Variants in PTGR2 observed in about 807,000 individuals in gnomAD.
The protein encoded by PTGR2 is prostaglandin reductase 2.
PTGR2 carries 32 observed loss-of-function variants against 43.4 expected under a neutral mutation model. That is an observed-to-expected ratio of 0.74 (90% CI 0.56 to 0.99). PTGR2 has a LOEUF of 0.99. Ranked by LOEUF, PTGR2 falls within the 50% of genes least tolerant of loss-of-function variation. PTGR2 has a pLI of 0.00. For synonymous variants in PTGR2, 106 were observed against 139.2 expected, an observed-to-expected ratio of 0.76 and a Z score of 1.68; for missense variants, 373 against 420.0, an observed-to-expected ratio of 0.89 and a Z score of 0.98.
chr14:73,857,195 G>T (rs1269453641), intron 1 of PTGR2, among the ~76,000 whole-genome samples: 2 of 148,500 alleles, frequency 1.3e-5, no homozygotes, highest in Admixed American at 1.3e-4. Context: ...TAAATTCCTT[G>T]ATATATTACT....
At position 73,884,511 on chromosome 14, in the gene PTGR2, A is replaced by G. The variant is rs1173914902; in HGVS notation, c.*334A>G. 6.4e-6 allele frequency: 1 copy of G among 155,726 alleles called. No individual in the cohort carries two copies. Among genetic ancestry groups the G allele is most frequent in the African/African-American group, 2.4e-5 (1 of 41,604 alleles). 9.6% of individuals were successfully genotyped at this position (155,726 alleles called of 1,614,324 possible). On this transcript the variant is annotated 3_prime_UTR_variant, in exon 10 of 10. Coordinates refer to ENST00000555661, the MANE Select transcript of PTGR2 (RefSeq NM_001146154.2). ...AATAGGTTTTTTAAAATTAATATTA[A>G]TAACTTTTATTAATTTAAAATAGAA...
At chr14:73,882,583 CT>C (rs1391766645) in intron 9 of PTGR2, 145 bp downstream of exon 9, 1 of 550,494 alleles carries the variant, frequency 1.8e-6, no homozygotes, top group Non-Finnish European at 3.2e-6. Context: ...TCACTGCAAG[CT>C]CCGCCTTCCA....
rs376183153 is a variant in PTGR2 at position 73,860,571 on chromosome 14, C to T, written c.70C>T (p.Arg24Ter). Reference protein sequence around the residue: ...KNGNPVAENFRMEEVYLPDNI... With the variant: ...KNGNPVAENF ...TGGTAATCCAGTGGCAGAGAATTTCCGAATGGAAGAAGTCTATTTACCAGA... is the reference window on the plus strand; with the variant it reads ...TGGTAATCCAGTGGCAGAGAATTTCTGAATGGAAGAAGTCTATTTACCAGA... Residue 24 changes from arginine to a stop codon, truncating the protein, a stop_gained, in exon 3 of 10, where the codon CGA becomes TGA. Transcript: ENST00000555661. LOFTEE classifies it high-confidence loss of function. The T allele has an allele frequency of 1.5e-4, 229 of 1,577,146 alleles. No individual in the cohort carries two copies. The highest frequency in any genetic ancestry group is 1.7e-4 in the Non-Finnish European group (192 of 1,156,392).
chr14:73,859,616 G>T (rs1001075128), intron 2 of PTGR2, among the ~76,000 whole-genome samples: 6 of 151,302 alleles, frequency 4.0e-5, no homozygotes, highest in African/African-American at 1.5e-4. Context: ...CTATAATGAT[G>T]ACCTTTCCTT....
In PTGR2 at chr14:73,857,321, T is replaced by A. The variant is rs544900761; in HGVS notation, c.-47-1495T>A. Among the ~76,000 whole-genome samples the A allele has an allele frequency of 6.7e-5, 10 of 150,074 alleles. 1 individual carries two copies. In the South Asian group the frequency reaches 1.9e-3, roughly 29 times the overall value. ...AACGAATAGAAGAGCCTTTGAAAAT[T>A]TGGTTACGTGGCTGGGCTTGGTGGC... On this transcript the variant is annotated intron_variant, in intron 1 of 9. Transcript: ENST00000555661.
chr14:73,857,664 G>GTTTTTTTTTTTTTTTTTTTTT (rs1213963564), intron 1 of PTGR2, among the ~76,000 whole-genome samples: 2 of 64,696 alleles, frequency 3.1e-5, no homozygotes, highest in South Asian at 8.9e-4. Context: ...AGCAGTTAGT[G>GTTTTTTTTTTTTTTTTTTTTT]TTTTTTTTTT....
intron 1 of PTGR2, among the ~76,000 whole-genome samples, chr14:73,856,738 G>C (rs1050067162): frequency 6.6e-6 from 1 of 152,140 alleles, no homozygotes; most frequent in African/African-American, 2.4e-5. Context: ...ATGTAGGTTT[G>C]TGTAAGTATA....
chr14:73,857,917 C>T (rs1194585635), intron 1 of PTGR2: 1 of 151,830 alleles, frequency 6.6e-6, no homozygotes, highest in Admixed American at 6.6e-5. Flanking sequence ...GATCCACCCG[C>T]CTCGGCCTCC....
At chr14:73,868,481 G>C (rs922181924) in intron 3 of PTGR2, among the ~76,000 whole-genome samples, 1 of 152,018 alleles carries the variant, frequency 6.6e-6, no homozygotes, top group African/African-American at 2.4e-5. Flanking sequence ...ATCTTAGGGG[G>C]CTTGTGAATC....
At chr14:73,882,529 C>G (rs2055014056) in intron 9 of PTGR2, 91 bp downstream of exon 9, 4 of 898,004 alleles carry the variant, frequency 4.5e-6, no homozygotes, top group Non-Finnish European at 7.0e-6. Context: ...GAGACGGAGT[C>G]TTGCTCTGTT....
chr14:73,873,852 A>G (rs2336564), intron 3 of PTGR2, among the ~76,000 whole-genome samples, 171 bp from the exon 4 acceptor site: 73,100 of 152,024 alleles, frequency 0.48, 17,938 homozygotes, highest in South Asian at 0.61. Context: ...GTTATTAACT[A>G]TAGTCACTAT....
chr14:73,875,884 C>T (rs1356225510), intron 4 of PTGR2, among the ~76,000 whole-genome samples: 1 of 144,264 alleles, frequency 6.9e-6, no homozygotes, highest in African/African-American at 2.6e-5. Context: ...TGCAGTGGCA[C>T]AATCTTGGCT....
At chr14:73,879,896 G>C (rs2054942066) in intron 6 of PTGR2, 159 bp from the exon 7 acceptor site, 1 of 590,002 alleles carries the variant, frequency 1.7e-6, no homozygotes, top group East Asian at 3.0e-5. Context: ...ATTATTTCTA[G>C]CTAGTTAAAA....
chr14:73,856,075 T>G (rs1736572007), intron 1 of PTGR2, among the ~76,000 whole-genome samples: 1 of 151,002 alleles, frequency 6.6e-6, no homozygotes, highest in Non-Finnish European at 1.5e-5. Flanking sequence ...AGAAAGAAAT[T>G]TAGTGTAGTC....
chr14:73,871,341 C>CTTTTTTTTT (rs869073652), intron 3 of PTGR2, among the ~76,000 whole-genome samples: 8 of 67,852 alleles, frequency 1.2e-4, no homozygotes, highest in Admixed American at 1.8e-4. Context: ...GGCTGTTCAT[C>CTTTTTTTTT]TTTTTTTTTT....
intron 3 of PTGR2, among the ~76,000 whole-genome samples, chr14:73,873,529 A>G (rs1441421831): frequency 6.0e-5 from 9 of 150,834 alleles, no homozygotes; most frequent in Admixed American, 4.6e-4. Context: ...CAGTGGTGCA[A>G]TCTTGGCTCA....
chr14:73,857,168 T>C (rs2054367029), intron 1 of PTGR2, among the ~76,000 whole-genome samples: 1 of 151,480 alleles, frequency 6.6e-6, no homozygotes, highest in Non-Finnish European at 1.5e-5. Flanking sequence ...TGGAATTTCC[T>C]ATAAGGTAAG....
Position 73,860,526 on chromosome 14 carries a change from CATA to C in PTGR2, c.38-9_38-7del, listed in dbSNP as rs2054463252. On this transcript the variant is annotated splice_polypyrimidine_tract_variant and intron_variant, in intron 2 of 9. Transcript: ENST00000555661. ...GGCTTTTTTTAACTTTATATTTTTG[CATA>C]ATATTTTAGGAAAAAATGGTAATCC... 7.6e-7 allele frequency: 1 copy of C among 1,313,540 alleles called. No individual in the cohort carries two copies. Among genetic ancestry groups the C allele is most frequent in the African/African-American group, 1.5e-5 (1 of 66,982 alleles). The allele number at this position is 1,313,540 out of a possible 1,614,324, so 81.4% of individuals were successfully genotyped here.
chr14:73,855,507 C>T (rs1044930723), intron 1 of PTGR2, among the ~76,000 whole-genome samples: 4 of 151,812 alleles, frequency 2.6e-5, no homozygotes, highest in African/African-American at 7.3e-5. Flanking sequence ...AGTACAGTGG[C>T]GTGATCTCGG....
Sources: gnomAD v4.1 joint callset for allele counts (sites outside exome capture counted in the v4.1 genomes callset) on GRCh38, gnomAD v4.1.1 for gene constraint, MANE v1.5 for transcripts, NCBI Gene and HGNC (gene_info 2026-07-23, HGNC 2026-07-21) for gene names.